The following CADPS2 variants were observed in gnomAD, a reference collection of about 807,000 sequenced individuals.
The protein encoded by CADPS2 is calcium dependent secretion activator 2.
Under a neutral mutation model 172.5 loss-of-function variants are expected in CADPS2, and 93 were observed. The ratio of observed to expected loss-of-function variants is 0.54; its 90% CI spans 0.46 to 0.64. The LOEUF (loss-of-function observed/expected upper bound fraction) is 0.64. Ranked by LOEUF, CADPS2 falls within the 30% of genes least tolerant of loss-of-function variation. CADPS2 has a pLI of 0.00. For synonymous variants in CADPS2, 546 were observed against 555.2 expected (o/e 0.98, Z 0.23); for missense variants, 1,420 against 1,565.9 (o/e 0.91, Z 1.57).
intron 3 of CADPS2, 31 bp downstream of exon 3, chr7:122,663,206 A>G (rs373535147): frequency 1.6e-5 from 24 of 1,459,002 alleles, no homozygotes; most frequent in South Asian, 1.1e-4. Context: ...CGAGTCAGAC[A>G]GGGGAAGGGA....
chr7:122,393,601 AAC>A lies in CADPS2; in HGVS notation c.2747-21_2747-20del. On this transcript the variant is annotated intron_variant, in intron 20 of 29. Transcript: ENST00000449022. ...AAAAGTGCTGAAATAGCCAAGCAGA[AAC>A]AGTGTTTGTCAGAGGGATAATATCA... 10 of 1,613,592 alleles carry A rather than the reference AAC, an allele frequency of 6.2e-6. No homozygotes were observed. The highest frequency in any genetic ancestry group is 8.5e-6 in the Non-Finnish European group (10 of 1,179,660).
At chr7:122,836,534 C>T (rs933819332) in intron 1 of CADPS2, among the ~76,000 whole-genome samples, 2 of 152,114 alleles carry the variant, frequency 1.3e-5, no homozygotes, top group African/African-American at 4.8e-5. Context: ...TCAGGAGACA[C>T]ATCTCACGTG....
rs1454298100 is a variant in CADPS2 at position 122,393,437 on chromosome 7, C to A, written c.2888+4G>T. The A allele has an allele frequency of 6.2e-7, 1 of 1,613,796 alleles. No homozygotes were observed. The highest frequency in any genetic ancestry group is 8.5e-7 in the Non-Finnish European group (1 of 1,179,792). On this transcript the variant is annotated splice_donor_region_variant and intron_variant, in intron 21 of 29. Transcript: ENST00000449022. Reference sequence around the variant, plus strand: ...GCTCTACGGACACTAGGTAAGATACCTACTTGACAGGCTGCCATGTCTCCT... The same window carrying A: ...GCTCTACGGACACTAGGTAAGATACATACTTGACAGGCTGCCATGTCTCCT...
In CADPS2 at chr7:122,859,976, T is replaced by C. The variant is rs79370233; in HGVS notation, c.339+26023A>G. 8.0e-3 allele frequency among the ~76,000 whole-genome samples: 1,224 copies of C among 152,148 alleles called. 20 individuals carry two copies. Among genetic ancestry groups the C allele is most frequent in the African/African-American group, 0.028 (1,157 of 41,502 alleles). ...ATCTCCAGTAAAGTTGAAATGCAGA[T>C]AAAAACATCCCTTTGTCAATGACAA... On this transcript the variant is annotated intron_variant, in intron 1 of 29. Coordinates refer to ENST00000449022, the MANE Select transcript of CADPS2 (RefSeq NM_017954.11).
At chr7:122,398,643 C>T (rs945113962) in intron 20 of CADPS2, among the ~76,000 whole-genome samples, 9 of 152,022 alleles carry the variant, frequency 5.9e-5, no homozygotes, top group African/African-American at 2.2e-4. Context: ...TAATGAAGAC[C>T]TCCATCACAG....
chr7:122,608,741 G>A (rs2073921333), intron 6 of CADPS2, among the ~76,000 whole-genome samples: 1 of 152,252 alleles, frequency 6.6e-6, no homozygotes, highest in South Asian at 2.1e-4. Flanking sequence ...ATGAAGGAGA[G>A]ACAGAGAGGG....
intron 2 of CADPS2, among the ~76,000 whole-genome samples, chr7:122,723,144 C>G (rs1054126603): frequency 6.6e-5 from 10 of 152,112 alleles, no homozygotes; most frequent in Non-Finnish European, 4.4e-5. Context: ...TCTAAAACAA[C>G]AAAAGCAATG....
At chr7:122,609,570 C>T (rs2074031424) in intron 6 of CADPS2, among the ~76,000 whole-genome samples, 1 of 152,152 alleles carries the variant, frequency 6.6e-6, no homozygotes, top group South Asian at 2.1e-4. Flanking sequence ...ATGAAACTTT[C>T]ACAAATTACA....
At chr7:122,491,210 C>T in intron 10 of CADPS2, 102 bp downstream of exon 10, 2 of 622,006 alleles carry the variant, frequency 3.2e-6, no homozygotes, top group Non-Finnish European at 2.6e-6. Context: ...AATATGCACC[C>T]TATTCATCGA....
chr7:122,420,256 CCAACCTCAGAA>C (rs1187808934), intron 17 of CADPS2, among the ~76,000 whole-genome samples: 1 of 152,206 alleles, frequency 6.6e-6, no homozygotes, highest in African/African-American at 2.4e-5. Flanking sequence ...AATCACAGAA[CCAACCTCAGAA>C]CTTATTATAT....
At chr7:122,520,218 C>A (rs991732842) in intron 8 of CADPS2, among the ~76,000 whole-genome samples, 2 of 151,898 alleles carry the variant, frequency 1.3e-5, no homozygotes, top group African/African-American at 4.8e-5. Flanking sequence ...TGGTTCTTGG[C>A]AATAGATTTA....
At position 122,341,482 on chromosome 7, in the gene CADPS2, C is replaced by A. The variant is rs534013941; in HGVS notation, c.3612+4092G>T. 7.9e-5 allele frequency among the ~76,000 whole-genome samples: 12 copies of A among 152,314 alleles called. No individual in the cohort carries two copies. The East Asian group carries it at 2.3e-3, about 29-fold the overall frequency. ...CGTACTAAGTAAACTGAGTCTTACA[C>A]AGATGGCATAACTTTTTCAAACTCA... On this transcript the variant is annotated intron_variant, in intron 28 of 29. Coordinates refer to ENST00000449022, the MANE Select transcript of CADPS2 (RefSeq NM_017954.11).
chr7:122,718,068 C>T (rs746703274), intron 2 of CADPS2, among the ~76,000 whole-genome samples: 1 of 139,754 alleles, frequency 7.2e-6, no homozygotes, highest in African/African-American at 2.7e-5. Flanking sequence ...GGACTCAAAG[C>T]GATCCTCATG....
intron 1 of CADPS2, among the ~76,000 whole-genome samples, chr7:122,826,787 G>A (rs1291169575): frequency 6.6e-6 from 1 of 151,902 alleles, no homozygotes; most frequent in African/African-American, 2.4e-5. Flanking sequence ...GTGGAACACA[G>A]CTAAAACATT....
intron 1 of CADPS2, among the ~76,000 whole-genome samples, chr7:122,837,178 A>T (rs1425188232): frequency 6.6e-6 from 1 of 152,192 alleles, no homozygotes; most frequent in Non-Finnish European, 1.5e-5. Flanking sequence ...CTGAATGACT[A>T]CTGGGTACAT....
At chr7:122,678,611 TG>T (rs2082629636) in intron 2 of CADPS2, among the ~76,000 whole-genome samples, 1 of 152,106 alleles carries the variant, frequency 6.6e-6, no homozygotes. Flanking sequence ...GGCCATAGGA[TG>T]GGTTGCACCA....
At position 122,698,767 on chromosome 7, in the gene CADPS2, T is replaced by C. The variant is rs1377657901; in HGVS notation, c.454-35198A>G. On this transcript the variant is annotated intron_variant, in intron 2 of 29. Transcript: ENST00000449022. ...AGTCTCTCCCAACTCTGACAACACATGATTCCCAACATGAAATGATATGTT... is the reference window on the plus strand; with the variant it reads ...AGTCTCTCCCAACTCTGACAACACACGATTCCCAACATGAAATGATATGTT... 2.5e-6 allele frequency: 4 copies of C among 1,613,800 alleles called. No individual in the cohort carries two copies. In the Admixed American group the frequency reaches 5.0e-5, roughly 20 times the overall value.
intron 2 of CADPS2, chr7:122,681,765 A>C (rs979921025): frequency 8.3e-5 from 44 of 528,482 alleles, no homozygotes; most frequent in African/African-American, 8.0e-4. Flanking sequence ...AAAAAAAACA[A>C]CATCTAAAAA....
intron 2 of CADPS2, among the ~76,000 whole-genome samples, chr7:122,664,096 A>G (rs2080918774): frequency 1.3e-5 from 2 of 150,910 alleles, no homozygotes; most frequent in Admixed American, 6.6e-5. Flanking sequence ...GATGATTAGG[A>G]AAACAACTGG....
Sources: allele counts gnomAD v4.1 joint callset (sites outside exome capture counted in the v4.1 genomes callset), GRCh38; gene constraint gnomAD v4.1.1; transcripts MANE v1.5; gene names NCBI Gene and HGNC (gene_info 2026-07-23, HGNC 2026-07-21).